Variants in FAT3 observed in about 807,000 individuals in gnomAD.
FAT3 encodes FAT atypical cadherin 3.
FAT3 carries 95 observed loss-of-function variants against 310.2 expected under a neutral mutation model. The observed-to-expected ratio is 0.31, with a 90% CI of 0.26 to 0.36. The LOEUF is 0.36. Among genes scored for constraint, FAT3 ranks in the 10% least tolerant of loss-of-function variants. FAT3 has a pLI of 1.00. For synonymous variants in FAT3, 2,314 were observed against 2,192.9 expected (o/e 1.06, Z -1.54); for missense variants, 5,408 against 5,715.6 (o/e 0.95, Z 1.74).
At chr11:92,820,146 G>A (rs1020384450) in intron 13 of FAT3, among the ~76,000 whole-genome samples, 1 of 152,178 alleles carries the variant, frequency 6.6e-6, no homozygotes, top group Non-Finnish European at 1.5e-5. Context: ...CGAAGTACCT[G>A]AGACTGGATG....
intron 2 of FAT3, among the ~76,000 whole-genome samples, chr11:92,363,060 G>A (rs1591173188): frequency 6.6e-6 from 1 of 152,210 alleles, no homozygotes; most frequent in Non-Finnish European, 1.5e-5. Context: ...TTGGCCGATG[G>A]TAGGGTACCA....
intron 1 of FAT3, among the ~76,000 whole-genome samples, chr11:92,274,715 A>G (rs986786084): frequency 6.6e-6 from 1 of 152,080 alleles, no homozygotes; most frequent in Non-Finnish European, 1.5e-5. Flanking sequence ...GGACAGAGCT[A>G]TATTATATTT....
At chr11:92,887,340 A>C (rs1476771294) in intron 25 of FAT3, among the ~76,000 whole-genome samples, 1 of 152,204 alleles carries the variant, frequency 6.6e-6, no homozygotes, top group Non-Finnish European at 1.5e-5. Flanking sequence ...TCAGGGGTTG[A>C]TGTAGTTACC....
In FAT3 at chr11:92,372,274, G is replaced by A. The variant is rs543931121; in HGVS notation, c.3292+16870G>A. On this transcript the variant is annotated intron_variant, in intron 2 of 27. Coordinates refer to ENST00000525166, the MANE Select transcript of FAT3 (RefSeq NM_001367949.2). ...TTATCAATGAGTACTGGATTGGGGG[G>A]CTTCCTTATTCTGTGGTAGGAACAG... Among the ~76,000 whole-genome samples, 3 of 151,904 alleles carry A rather than the reference G, an allele frequency of 2.0e-5. No homozygotes were observed. The South Asian group carries it at 6.2e-4, about 32-fold the overall frequency.
chr11:92,289,046 T>A (rs1427872242), intron 1 of FAT3, among the ~76,000 whole-genome samples: 1 of 152,078 alleles, frequency 6.6e-6, no homozygotes, highest in Non-Finnish European at 1.5e-5. Context: ...CACCATTGGC[T>A]GGGGGTCAGA....
At chr11:92,763,822 T>A (rs1380258723) in intron 5 of FAT3, among the ~76,000 whole-genome samples, 3 of 152,126 alleles carry the variant, frequency 2.0e-5, no homozygotes, top group Admixed American at 2.0e-4. Flanking sequence ...TGTACTCAAA[T>A]GCCTGTCTTA....
chr11:92,874,912 C>A (rs1033765629), intron 22 of FAT3, among the ~76,000 whole-genome samples: 7 of 152,090 alleles, frequency 4.6e-5, no homozygotes, highest in African/African-American at 1.7e-4. Flanking sequence ...GAGACCTCTT[C>A]TTTTTCCTTC....
chr11:92,362,039 G>A (rs1309964972), intron 2 of FAT3, among the ~76,000 whole-genome samples: 1 of 152,214 alleles, frequency 6.6e-6, no homozygotes, highest in Admixed American at 6.5e-5. Flanking sequence ...AGGAGGTATG[G>A]ACAGTTATTT....
At chr11:92,696,750 G>T (rs1185061236) in intron 3 of FAT3, among the ~76,000 whole-genome samples, 1 of 152,158 alleles carries the variant, frequency 6.6e-6, no homozygotes, top group African/African-American at 2.4e-5. Context: ...TCAAAGGGGT[G>T]ATTCACTTAT....
intron 4 of FAT3, among the ~76,000 whole-genome samples, chr11:92,712,130 A>G (rs1428753903): frequency 2.6e-5 from 4 of 152,174 alleles, no homozygotes; most frequent in Admixed American, 2.6e-4. Flanking sequence ...GATCCAAACC[A>G]AACTGTAGCT....
intron 2 of FAT3, among the ~76,000 whole-genome samples, chr11:92,377,462 A>G (rs1949377848): frequency 1.3e-5 from 2 of 152,228 alleles, no homozygotes; most frequent in African/African-American, 4.8e-5. Flanking sequence ...CCAGATAAAA[A>G]GTGATAAAAG....
intron 1 of FAT3, among the ~76,000 whole-genome samples, chr11:92,324,540 G>A (rs772423249): frequency 1.3e-5 from 2 of 152,162 alleles, no homozygotes; most frequent in African/African-American, 2.4e-5. Context: ...CTTCTTATAT[G>A]GGTGTGGTTC....
intron 2 of FAT3, among the ~76,000 whole-genome samples, chr11:92,425,073 T>C (rs1950601354): frequency 6.6e-6 from 1 of 152,214 alleles, no homozygotes; most frequent in African/African-American, 2.4e-5. Flanking sequence ...CATATGGATG[T>C]GTCACATTTA....
intron 3 of FAT3, among the ~76,000 whole-genome samples, chr11:92,568,152 C>T (rs1591463775): frequency 1.3e-5 from 2 of 152,094 alleles, no homozygotes; most frequent in East Asian, 3.9e-4. Context: ...AGGAACAAAT[C>T]AATAAGGTGT....
At chr11:92,579,008 A>T (rs1480607212) in intron 3 of FAT3, among the ~76,000 whole-genome samples, 1 of 152,130 alleles carries the variant, frequency 6.6e-6, no homozygotes, top group East Asian at 1.9e-4. Context: ...GGACATTTCT[A>T]AGTTTCACTA....
chr11:92,700,277 A>T (rs1013147709), intron 4 of FAT3, among the ~76,000 whole-genome samples: 4 of 152,144 alleles, frequency 2.6e-5, no homozygotes, highest in Admixed American at 2.6e-4. Flanking sequence ...CAGAGTGGGG[A>T]TGGGAGCGGA....
chr11:92,372,947 A>G (rs1229179472), intron 2 of FAT3, among the ~76,000 whole-genome samples: 1 of 152,140 alleles, frequency 6.6e-6, no homozygotes, highest in Admixed American at 6.6e-5. Context: ...GGCATGAGCC[A>G]CCGTGCCCGG....
At chr11:92,704,517 T>A (rs907370485) in intron 4 of FAT3, among the ~76,000 whole-genome samples, 7 of 152,052 alleles carry the variant, frequency 4.6e-5, no homozygotes, top group African/African-American at 1.7e-4. Flanking sequence ...TTTAAAGAGG[T>A]CATTAAATGA....
At chr11:92,565,545 G>A (rs1249708042) in intron 3 of FAT3, among the ~76,000 whole-genome samples, 3 of 151,156 alleles carry the variant, frequency 2.0e-5, no homozygotes, top group African/African-American at 7.3e-5. Context: ...TATGAGGCCA[G>A]CATCATCCTG....
Sources: gnomAD v4.1 joint callset for allele counts (sites outside exome capture counted in the v4.1 genomes callset) on GRCh38, gnomAD v4.1.1 for gene constraint, MANE v1.5 for transcripts, NCBI Gene and HGNC (gene_info 2026-07-23, HGNC 2026-07-21) for gene names.